The following AP1S3 variants were observed in gnomAD, a reference collection of about 807,000 sequenced individuals.
The protein encoded by AP1S3 is adaptor related protein complex 1 subunit sigma 3, also known as AP-1 complex subunit sigma-3.
Under a neutral mutation model 20.9 loss-of-function variants are expected in AP1S3, and 10 were observed. That is an observed-to-expected ratio of 0.48 (90% confidence interval 0.29 to 0.81). The LOEUF is 0.81. Ranked by LOEUF, AP1S3 falls within the 30% of genes least tolerant of loss-of-function variation. AP1S3 has a pLI of 0.08. For missense variants in AP1S3, 154 were observed against 183.8 expected (o/e 0.84, Z 0.94); for synonymous variants, 41 against 61.5 (o/e 0.67, Z 1.56).
chr2:223,775,832 G>A (rs753796639), intron 3 of AP1S3, 69 bp downstream of exon 3: 3 of 1,176,246 alleles, frequency 2.6e-6, no homozygotes, highest in Non-Finnish European at 3.8e-6. Context: ...GATGTGACCA[G>A]AGACAGAACT....
In AP1S3 at chr2:223,764,075, T is replaced by C. The variant is rs990893310; in HGVS notation, c.429+1138A>G. On this transcript the variant is annotated intron_variant, in intron 4 of 4. Transcript: ENST00000396654. The stretch of plus-strand genomic sequence containing the variant: ...CTGGGATTACAGGCACACATCCCCA[T>C]GCCCGGCTAATTTTTGTGTTGTTAG... Among the ~76,000 whole-genome samples, 3 of 152,188 alleles carry C rather than the reference T, an allele frequency of 2.0e-5. No homozygotes were observed. The East Asian group carries it at 5.8e-4, about 30-fold the overall frequency.
At chr2:223,820,549 CA>C (rs56382461) in intron 1 of AP1S3, among the ~76,000 whole-genome samples, 8 of 146,930 alleles carry the variant, frequency 5.4e-5, no homozygotes, top group East Asian at 2.0e-4. Context: ...CCCTATCATC[CA>C]AAAAAAAAAT....
At chr2:223,825,226 T>C (rs1692099514) in intron 1 of AP1S3, among the ~76,000 whole-genome samples, 1 of 151,034 alleles carries the variant, frequency 6.6e-6, no homozygotes, top group Non-Finnish European at 1.5e-5. Context: ...GATAGGAGAA[T>C]GGCGTGAACC....
chr2:223,835,888 G>C (rs1692383812), intron 1 of AP1S3, among the ~76,000 whole-genome samples: 1 of 152,146 alleles, frequency 6.6e-6, no homozygotes, highest in Non-Finnish European at 1.5e-5. Context: ...CCTTATTCCA[G>C]CCTCTGTTAG....
intron 1 of AP1S3, among the ~76,000 whole-genome samples, chr2:223,837,066 T>C (rs950311563): frequency 6.6e-6 from 1 of 152,120 alleles, no homozygotes; most frequent in South Asian, 2.1e-4. Flanking sequence ...TACTTGTATA[T>C]TGGACGTGTC....
Position 223,757,663 on chromosome 2 carries a change from A to C in AP1S3, c.*1052T>G. 1.0e-6 allele frequency: 1 copy of C among 985,432 alleles called. No individual in the cohort carries two copies. Among genetic ancestry groups the C allele is most frequent in the Non-Finnish European group, 1.2e-6 (1 of 829,934 alleles). The allele number at this position is 985,432 out of a possible 1,614,324, so 61.0% of individuals were successfully genotyped here. ...ACAGAATTTTCATTCCAGGAAGCAC[A>C]AATGTGATATACTTACAGTAATAAT... On this transcript the variant is annotated 3_prime_UTR_variant, in exon 5 of 5. Transcript: ENST00000396654.
At chr2:223,831,782 T>C (rs1229493747) in intron 1 of AP1S3, among the ~76,000 whole-genome samples, 7 of 152,032 alleles carry the variant, frequency 4.6e-5, no homozygotes, top group Admixed American at 1.3e-4. Flanking sequence ...CATCAAGAAG[T>C]ACTTGTTCTG....
chr2:223,826,080 T>G lies in AP1S3; in HGVS notation c.3+11368A>C, dbSNP rs184391685. On this transcript the variant is annotated intron_variant, in intron 1 of 4. Coordinates refer to ENST00000396654, the MANE Select transcript of AP1S3 (RefSeq NM_001039569.2). ...AACAGTATTATTTTTCCATTCATCA[T>G]TTTTCCCTGACAGAGTAATCAACTT... 1.0e-3 allele frequency among the ~76,000 whole-genome samples: 154 copies of G among 152,292 alleles called. 1 individual carries two copies. Among genetic ancestry groups the G allele is most frequent in the African/African-American group, 3.7e-3 (153 of 41,578 alleles).
chr2:223,814,028 T>C (rs1691792432), intron 1 of AP1S3, among the ~76,000 whole-genome samples: 1 of 152,214 alleles, frequency 6.6e-6, no homozygotes, highest in Non-Finnish European at 1.5e-5. Context: ...AAATGACACA[T>C]TCATTAACTT....
At chr2:223,780,331 AGAGAGAGAGAGAGAGAGAGAGAGAGAGT>A (rs1690904442) in intron 1 of AP1S3, among the ~76,000 whole-genome samples, 2 of 119,954 alleles carry the variant, frequency 1.7e-5, no homozygotes, top group African/African-American at 3.6e-5. Context: ...AGAGAGAGAG[AGAGAGAGAGAGAGAGAGAGAGAGAGAGT>A]GTGTGTGTGT....
At chr2:223,830,515 A>G (rs4673077) in intron 1 of AP1S3, among the ~76,000 whole-genome samples, 72,786 of 150,674 alleles carry the variant, frequency 0.48, 17,686 homozygotes, top group Middle Eastern at 0.58. Flanking sequence ...TCTGAACAAT[A>G]CTCCAGGGAT....
intron 4 of AP1S3, among the ~76,000 whole-genome samples, chr2:223,761,629 T>A (rs1559273346): frequency 6.6e-6 from 1 of 152,218 alleles, no homozygotes; most frequent in Non-Finnish European, 1.5e-5. Context: ...TCTCACTATG[T>A]TGCCTAGGCT....
At chr2:223,822,581 G>A (rs1175554618) in intron 1 of AP1S3, among the ~76,000 whole-genome samples, 1 of 152,100 alleles carries the variant, frequency 6.6e-6, no homozygotes, top group Non-Finnish European at 1.5e-5. Flanking sequence ...CTACTCAGGA[G>A]GCTGAGGCAG....
chr2:223,801,380 G>A (rs767634268), intron 1 of AP1S3, among the ~76,000 whole-genome samples: 2 of 152,110 alleles, frequency 1.3e-5, no homozygotes, highest in Non-Finnish European at 2.9e-5. Context: ...AGAGATATAC[G>A]CTGGCACCAG....
intron 1 of AP1S3, among the ~76,000 whole-genome samples, chr2:223,784,699 CT>C (rs1308399424): frequency 6.6e-6 from 1 of 152,170 alleles, no homozygotes; most frequent in East Asian, 1.9e-4. Flanking sequence ...AGTAATTCTG[CT>C]TTTAAAATCT....
In AP1S3 at chr2:223,835,510, C is replaced by T. The variant is rs1237208700; in HGVS notation, c.3+1938G>A. 2.0e-5 allele frequency among the ~76,000 whole-genome samples: 3 copies of T among 152,124 alleles called. No individual in the cohort carries two copies. The East Asian group carries it at 5.8e-4, about 29-fold the overall frequency. On this transcript the variant is annotated intron_variant, in intron 1 of 4. Transcript: ENST00000396654. ...TCTCTACTAAAAATACAAAAATTAG[C>T]TAGGCGTGGTGGCGGGCGCCTGTAA...
chr2:223,768,133 C>T (rs1020513893), intron 3 of AP1S3, among the ~76,000 whole-genome samples: 5 of 152,012 alleles, frequency 3.3e-5, no homozygotes, highest in Admixed American at 3.3e-4. Flanking sequence ...CAGCCTGGGC[C>T]CTGCTGTCTG....
At chr2:223,760,852 T>C (rs1690336044) in intron 4 of AP1S3, among the ~76,000 whole-genome samples, 1 of 152,226 alleles carries the variant, frequency 6.6e-6, no homozygotes, top group African/African-American at 2.4e-5. Flanking sequence ...GGCTACGTAC[T>C]TTTTGCAGTT....
chr2:223,757,058 T>C lies in AP1S3; in HGVS notation c.*1657A>G, dbSNP rs902779528. 2.2e-6 allele frequency: 2 copies of C among 929,908 alleles called. No individual in the cohort carries two copies. The highest frequency in any genetic ancestry group is 2.6e-6 in the Non-Finnish European group (2 of 779,654). The allele number at this position is 929,908 out of a possible 1,614,324, so 57.6% of individuals were successfully genotyped here. On this transcript the variant is annotated 3_prime_UTR_variant, in exon 5 of 5. Coordinates refer to ENST00000396654, the MANE Select transcript of AP1S3 (RefSeq NM_001039569.2). ...CGCCTGGAGTGCACTGGTATGACCT[T>C]GGCTCACTGCAACCTCTGCCTCCTG... is the stretch of plus-strand genomic sequence containing the variant.
Sources: allele counts gnomAD v4.1 joint callset (sites outside exome capture counted in the v4.1 genomes callset), GRCh38; gene constraint gnomAD v4.1.1; transcripts MANE v1.5; gene names NCBI Gene and HGNC (gene_info 2026-07-23, HGNC 2026-07-21).